The following COL9A1 variants were observed in gnomAD, a reference collection of about 807,000 sequenced individuals.
COL9A1 encodes the protein collagen alpha-1(IX) chain.
A neutral mutation model predicts 142.6 loss-of-function variants in COL9A1; 104 were observed. The observed-to-expected ratio is 0.73, with a 90% CI of 0.62 to 0.86. COL9A1 has a LOEUF of 0.86. COL9A1 is among the 40% of genes least tolerant of loss of function. The probability of loss-of-function intolerance (pLI) is 0.00; values close to 1 mark genes in which losing one functional copy is unlikely to be tolerated. For missense variants in COL9A1, 1,210 were observed against 1,176.6 expected (o/e 1.03, Z -0.42); for synonymous variants, 466 against 396.0 (o/e 1.18, Z -2.10).
chr6:70,225,850 A>G (rs1200158332), intron 37 of COL9A1, 82 bp downstream of exon 37: 2 of 1,023,822 alleles, frequency 2.0e-6, no homozygotes, highest in Non-Finnish European at 3.1e-6. Flanking sequence ...AATAACAATT[A>G]TTTTAAAATT....
At position 70,274,713 on chromosome 6, in the gene COL9A1, A is replaced by G; in HGVS notation, c.1029+6T>C. The G allele has an allele frequency of 6.2e-7, 1 of 1,610,228 alleles. No homozygotes were observed. Among genetic ancestry groups the G allele is most frequent in the Non-Finnish European group, 8.5e-7 (1 of 1,176,702 alleles). ...ACTAGCAATTAATGCCAGATGGCTA[A>G]CTTACTTTTTGTCCCTTTGACCCAA... On this transcript the variant is annotated splice_donor_region_variant and intron_variant, in intron 11 of 37. Coordinates refer to ENST00000357250, the MANE Select transcript of COL9A1 (RefSeq NM_001851.6).
chr6:70,269,752 T>A lies in COL9A1; in HGVS notation c.1198-87A>T, dbSNP rs1051294356. The A allele has an allele frequency of 3.8e-6, 3 of 799,644 alleles. No individual in the cohort carries two copies. In the Admixed American group the frequency reaches 5.9e-5, roughly 16 times the overall value. The allele number at this position is 799,644 out of a possible 1,614,324, so 49.5% of individuals were successfully genotyped here. A position where few individuals can be genotyped will look rare whatever the true frequency, so the allele number is the denominator to read the frequency against. On this transcript the variant is annotated intron_variant, in intron 15 of 37. Transcript: ENST00000357250. ...TACTAGAAAGCTCATCAGGCAAAAGTATAAAATATATTTGTTTAATAAAAT... is the reference window on the plus strand; with the variant it reads ...TACTAGAAAGCTCATCAGGCAAAAGAATAAAATATATTTGTTTAATAAAAT...
chr6:70,260,851 C>T, intron 19 of COL9A1, 141 bp from the exon 20 acceptor site: 1 of 689,998 alleles, frequency 1.4e-6, no homozygotes, highest in Non-Finnish European at 2.4e-6. Context: ...TATATATAGA[C>T]AAACATTTCT....
At chr6:70,231,908 C>A (rs1769572887) in intron 36 of COL9A1, among the ~76,000 whole-genome samples, 1 of 152,170 alleles carries the variant, frequency 6.6e-6, no homozygotes, top group Admixed American at 6.5e-5. Flanking sequence ...AATGAGACAG[C>A]CAGTTCTTCC....
chr6:70,290,564 A>G (rs1017620517), intron 5 of COL9A1, among the ~76,000 whole-genome samples: 1 of 152,096 alleles, frequency 6.6e-6, no homozygotes, highest in African/African-American at 2.4e-5. Flanking sequence ...TCCTTTTTCA[A>G]CTTAGAAAAG....
At chr6:70,293,649 AC>A (rs1202190048) in intron 5 of COL9A1, among the ~76,000 whole-genome samples, 1 of 151,122 alleles carries the variant, frequency 6.6e-6, no homozygotes, top group Non-Finnish European at 1.5e-5. Flanking sequence ...ACACACACAC[AC>A]ACACACACAC....
downstream of COL9A1, chr6:70,216,098 G>A (rs1183944037): frequency 6.6e-6 from 1 of 152,530 alleles, no homozygotes; most frequent in Non-Finnish European, 1.5e-5. Context: ...CATTGAACAT[G>A]ATTATTTATA....
intron 28 of COL9A1, among the ~76,000 whole-genome samples, chr6:70,247,977 G>A (rs1224382895): frequency 6.6e-6 from 1 of 152,168 alleles, no homozygotes; most frequent in Non-Finnish European, 1.5e-5. Context: ...AAAGGACTAC[G>A]AGAGAAAGTA....
intron 12 of COL9A1, among the ~76,000 whole-genome samples, chr6:70,272,590 A>G (rs1301505407): frequency 2.0e-5 from 3 of 152,190 alleles, no homozygotes; most frequent in South Asian, 2.1e-4. Flanking sequence ...AGGTTGGGCT[A>G]TATTTTCAGA....
chr6:70,251,577 C>T (rs1425794639), intron 28 of COL9A1, among the ~76,000 whole-genome samples: 1 of 152,122 alleles, frequency 6.6e-6, no homozygotes. Flanking sequence ...TTTTAAAAAA[C>T]AAAAAGCTCA....
At position 70,286,206 on chromosome 6, in the gene COL9A1, A is replaced by G. The variant is rs545807337; in HGVS notation, c.697-2386T>C. ...TCTGGCCTATTCAATTATTTTCTAT[A>G]GGACAATGTAAAGGTATAATTCAAT... is the stretch of plus-strand genomic sequence containing the variant. On this transcript the variant is annotated intron_variant, in intron 5 of 37. Transcript: ENST00000357250. Among the ~76,000 whole-genome samples, 35 of 152,318 alleles carry G rather than the reference A, an allele frequency of 2.3e-4. 1 individual carries two copies. Among genetic ancestry groups the G allele is most frequent in the Non-Finnish European group, 4.3e-4 (29 of 68,024 alleles).
chr6:70,300,145 T>C lies in COL9A1; in HGVS notation c.197A>G (p.Asp66Gly). ...GFDLISQFQVDKAASRRAIQR... is the reference protein window; with the variant it reads ...GFDLISQFQVGKAASRRAIQR... ...GATAGCTCTTCTAGATGCTGCTTTA[T>C]CTACCTGGAACTGAGAGATCAGATC... Residue 66 changes from aspartate (D) to glycine (G), a missense_variant, in exon 4 of 38, where the codon GAT becomes GGT. Physicochemically the swap from Asp to Gly is moderately conservative, Grantham distance 94. Coordinates refer to ENST00000357250, the MANE Select transcript of COL9A1 (RefSeq NM_001851.6). 3 of 1,613,964 alleles carry C rather than the reference T, an allele frequency of 1.9e-6. No homozygotes were observed. Among genetic ancestry groups the C allele is most frequent in the Non-Finnish European group, 2.5e-6 (3 of 1,179,922 alleles).
Position 70,255,340 on chromosome 6 carries a change from A to G in COL9A1, c.1554T>C (p.Asp518=), listed in dbSNP as rs746982749. The change falls in exon 22 of 38, where the codon GAT becomes GAC. Residue 518 remains aspartate, a synonymous_variant. Coordinates refer to ENST00000357250, the MANE Select transcript of COL9A1 (RefSeq NM_001851.6). ...GAGTGACTGAATTTAAACTCACTCT[A>G]TCTCCTTTGGGACCTGCTTCTCCTG... is the stretch of plus-strand genomic sequence containing the variant. ...GPPGEAGPKG[D]RGAEGARGIP... is the part of the protein sequence containing the mutation. 7.4e-5 allele frequency: 119 copies of G among 1,614,078 alleles called. No individual in the cohort carries two copies. The highest frequency in any genetic ancestry group is 2.9e-5 in the Non-Finnish European group (34 of 1,179,996).
At position 70,266,731 on chromosome 6, in the gene COL9A1, T is replaced by A. The variant is rs1352980091; in HGVS notation, c.1327A>T (p.Arg443Ter). The change falls in exon 18 of 38, where the codon AGA becomes TGA. Residue 443 changes from arginine to a stop codon, truncating the protein, a stop_gained. Transcript: ENST00000357250. LOFTEE classifies it high-confidence loss of function. ...GAKGEIGEPGRQGHKGEEGDQ... is the reference protein window; with the variant it reads ...GAKGEIGEPG ...ATTTTCCTTACCTTGTGTCCTTGTC[T>A]TCCTGGTTCACCAATTTCTCCTTTA... The A allele has an allele frequency of 6.2e-7, 1 of 1,613,326 alleles. No individual in the cohort carries two copies. The highest frequency in any genetic ancestry group is 8.5e-7 in the Non-Finnish European group (1 of 1,179,354).
intron 17 of COL9A1, 124 bp downstream of exon 17, chr6:70,268,680 G>A (rs1772191813): frequency 2.4e-6 from 2 of 817,436 alleles, no homozygotes; most frequent in Non-Finnish European, 4.1e-6. Context: ...TGCTAGGACT[G>A]AATAAGCACT....
Position 70,302,957 on chromosome 6 carries a change from T to A in COL9A1, c.-33A>T. ...GTTGATTTTCTTTGTTTGCCAACAGTCCCTATGAAGAAGGGGTTGGAAGGG... is the reference window on the plus strand; with the variant it reads ...GTTGATTTTCTTTGTTTGCCAACAGACCCTATGAAGAAGGGGTTGGAAGGG... On this transcript the variant is annotated 5_prime_UTR_variant, in exon 1 of 38. Coordinates refer to ENST00000357250, the MANE Select transcript of COL9A1 (RefSeq NM_001851.6). The A allele has an allele frequency of 6.2e-7, 1 of 1,612,492 alleles. No homozygotes were observed. Among genetic ancestry groups the A allele is most frequent in the East Asian group, 2.2e-5 (1 of 44,854 alleles).
chr6:70,302,707 CTCTG>C (rs2127609972), intron 1 of COL9A1, among the ~76,000 whole-genome samples, 200 bp downstream of exon 1: 1 of 152,076 alleles, frequency 6.6e-6, no homozygotes, highest in East Asian at 1.9e-4. Flanking sequence ...CTCTCCCTTC[CTCTG>C]TCTGTCTTCG....
At chr6:70,242,474 A>G (rs1015249794) in intron 29 of COL9A1, among the ~76,000 whole-genome samples, 188 bp downstream of exon 29, 1 of 152,236 alleles carries the variant, frequency 6.6e-6, no homozygotes, top group Non-Finnish European at 1.5e-5. Flanking sequence ...CAAACCACGC[A>G]GATTAAAATA....
chr6:70,263,781 A>AT (rs1771844548), intron 18 of COL9A1, among the ~76,000 whole-genome samples: 1 of 151,918 alleles, frequency 6.6e-6, no homozygotes, highest in Non-Finnish European at 1.5e-5. Context: ...TTTTTGCACC[A>AT]TATACAATAT....
Sources: gnomAD v4.1 joint callset for allele counts (sites outside exome capture counted in the v4.1 genomes callset) on GRCh38, gnomAD v4.1.1 for gene constraint, MANE v1.5 for transcripts, NCBI Gene and HGNC (gene_info 2026-07-23, HGNC 2026-07-21) for gene names.